RABGAP1L: variants seen among roughly 807,000 people sequenced by gnomAD.
The protein encoded by RABGAP1L is RAB GTPase activating protein 1 like.
In RABGAP1L, 63 loss-of-function variants were observed where a neutral mutation model predicts 137.7. The ratio of observed to expected loss-of-function variants is 0.46; its 90% CI spans 0.37 to 0.56. RABGAP1L has a LOEUF of 0.56. Among genes scored for constraint, RABGAP1L ranks in the 20% least tolerant of loss-of-function variants. The probability of loss-of-function intolerance (pLI) is 0.00; values close to 1 mark genes in which losing one functional copy is unlikely to be tolerated. For synonymous variants in RABGAP1L, 431 were observed against 433.7 expected (o/e 0.99, Z 0.08); for missense variants, 1,095 against 1,244.0 (o/e 0.88, Z 1.80).
chr1:174,408,065 T>G (rs1649482508), intron 13 of RABGAP1L, among the ~76,000 whole-genome samples: 1 of 152,200 alleles, frequency 6.6e-6, no homozygotes, highest in South Asian at 2.1e-4. Context: ...ATGTTTGTTT[T>G]GTGTTTTTCA....
At chr1:174,927,114 T>A (rs10912852) in intron 19 of RABGAP1L, among the ~76,000 whole-genome samples, 20,894 of 151,968 alleles carry the variant, frequency 0.14, 4,707 homozygotes, top group African/African-American at 0.47. Flanking sequence ...ATAAGCATCC[T>A]TATGTTGTTC....
chr1:174,407,919 G>C (rs1330060311), intron 13 of RABGAP1L, among the ~76,000 whole-genome samples: 1 of 152,132 alleles, frequency 6.6e-6, no homozygotes, highest in African/African-American at 2.4e-5. Flanking sequence ...CTCACATGGA[G>C]ATGATTAGCA....
intron 12 of RABGAP1L, among the ~76,000 whole-genome samples, chr1:174,383,678 C>T (rs1487978616): frequency 6.6e-6 from 1 of 152,154 alleles, no homozygotes; most frequent in Non-Finnish European, 1.5e-5. Context: ...CACTGGCCTG[C>T]ACCCACTGTC....
chr1:174,487,104 T>C (rs1400252182), intron 13 of RABGAP1L, among the ~76,000 whole-genome samples: 1 of 152,188 alleles, frequency 6.6e-6, no homozygotes, highest in Non-Finnish European at 1.5e-5. Flanking sequence ...CTTCAACTGT[T>C]GAATGAAATG....
chr1:174,447,194 T>C (rs1654864939), intron 13 of RABGAP1L, among the ~76,000 whole-genome samples: 1 of 152,212 alleles, frequency 6.6e-6, no homozygotes, highest in Admixed American at 6.5e-5. Context: ...CTGTAATGGA[T>C]TAAAACTGCT....
At chr1:174,711,666 C>T (rs533186886) in intron 17 of RABGAP1L, among the ~76,000 whole-genome samples, 1 of 152,320 alleles carries the variant, frequency 6.6e-6, no homozygotes, top group African/African-American at 2.4e-5. Flanking sequence ...GCCTGCCGTG[C>T]CCGAGTGCCC....
At chr1:174,812,813 A>G (rs925681452) in intron 19 of RABGAP1L, among the ~76,000 whole-genome samples, 31 of 152,302 alleles carry the variant, frequency 2.0e-4, no homozygotes, top group African/African-American at 6.3e-4. Context: ...TAGATAGTCA[A>G]TGTGGACCTC....
intron 19 of RABGAP1L, among the ~76,000 whole-genome samples, chr1:174,813,061 G>A (rs1308125455): frequency 6.6e-6 from 1 of 152,214 alleles, no homozygotes; most frequent in Non-Finnish European, 1.5e-5. Context: ...TTTGAGTGAA[G>A]CAGGGAGCTC....
intron 16 of RABGAP1L, among the ~76,000 whole-genome samples, 176 bp downstream of exon 16, chr1:174,699,826 G>T (rs1340997909): frequency 1.3e-5 from 2 of 152,034 alleles, no homozygotes; most frequent in Non-Finnish European, 2.9e-5. Flanking sequence ...TGTTTATTTA[G>T]CCATTTTACT....
chr1:174,602,486 C>A (rs981698077), intron 13 of RABGAP1L, among the ~76,000 whole-genome samples: 1 of 152,168 alleles, frequency 6.6e-6, no homozygotes, highest in Admixed American at 6.5e-5. Flanking sequence ...ACCTGGGTTC[C>A]TCCCACAACA....
chr1:174,522,078 CAA>C (rs72074759), intron 13 of RABGAP1L, among the ~76,000 whole-genome samples: 58,530 of 147,678 alleles, frequency 0.4, 14,306 homozygotes, highest in African/African-American at 0.7. Flanking sequence ...GACTCTGTCT[CAA>C]AAAAAAAAAA....
intron 13 of RABGAP1L, among the ~76,000 whole-genome samples, chr1:174,537,310 G>C (rs1664969922): frequency 6.6e-6 from 1 of 152,176 alleles, no homozygotes; most frequent in Admixed American, 6.6e-5. Flanking sequence ...AGCTATATCA[G>C]TACTAATGAT....
intron 13 of RABGAP1L, among the ~76,000 whole-genome samples, chr1:174,447,728 T>A (rs1397887524): frequency 6.6e-6 from 1 of 152,194 alleles, no homozygotes; most frequent in Non-Finnish European, 1.5e-5. Flanking sequence ...ATTTTTTTTC[T>A]TTTTACAGAT....
At chr1:174,423,394 A>G (rs960607666) in intron 13 of RABGAP1L, among the ~76,000 whole-genome samples, 26 of 152,316 alleles carry the variant, frequency 1.7e-4, no homozygotes, top group East Asian at 1.9e-4. Context: ...TGTAAAAAAT[A>G]TCTTTTGGCA....
chr1:174,924,256 G>A (rs995470989), intron 19 of RABGAP1L, among the ~76,000 whole-genome samples: 1 of 151,382 alleles, frequency 6.6e-6, no homozygotes, highest in African/African-American at 2.4e-5. Context: ...GCATGATAGT[G>A]TATGCCTGTA....
chr1:174,828,642 G>T (rs1400237998), intron 19 of RABGAP1L, among the ~76,000 whole-genome samples: 1 of 148,498 alleles, frequency 6.7e-6, no homozygotes, highest in Non-Finnish European at 1.5e-5. Context: ...CAGAGATGTT[G>T]TAAGAATTAA....
chr1:174,176,765 C>T (rs1239307196), intron 1 of RABGAP1L, among the ~76,000 whole-genome samples: 1 of 107,138 alleles, frequency 9.3e-6, no homozygotes, highest in African/African-American at 3.6e-5. Context: ...TTTGTTAATA[C>T]TGCCATCAGT....
At chr1:174,585,809 G>A (rs1035545804) in intron 13 of RABGAP1L, among the ~76,000 whole-genome samples, 1 of 152,218 alleles carries the variant, frequency 6.6e-6, no homozygotes, top group African/African-American at 2.4e-5. Flanking sequence ...TTGACTGATT[G>A]CAGGCAAAAA....
chr1:174,377,467 T>G (rs1685646663), intron 12 of RABGAP1L, among the ~76,000 whole-genome samples: 2 of 152,146 alleles, frequency 1.3e-5, no homozygotes, highest in African/African-American at 4.8e-5. Context: ...AGCACTACAG[T>G]AGTCAAAAGA....
Sources: allele counts gnomAD v4.1 joint callset (sites outside exome capture counted in the v4.1 genomes callset), GRCh38; gene constraint gnomAD v4.1.1; transcripts MANE v1.5; gene names NCBI Gene and HGNC (gene_info 2026-07-23, HGNC 2026-07-21).